Variants in IL33 observed in about 807,000 individuals in gnomAD.
IL33 encodes interleukin 33, also known as interleukin-33.
In IL33, 37 loss-of-function variants were observed where a neutral mutation model predicts 27.3. The ratio of observed to expected loss-of-function variants is 1.36; its 90% CI spans 1.04 to 1.78. The LOEUF is 1.78. Among genes scored for constraint, IL33 ranks in the 40% most tolerant of loss-of-function variants. The probability of loss-of-function intolerance (pLI) is 0.00; values close to 1 mark genes in which losing one functional copy is unlikely to be tolerated. For synonymous variants in IL33, 132 were observed against 102.9 expected (o/e 1.28, Z -1.71); for missense variants, 406 against 311.4 (o/e 1.30, Z -2.29).
intron 1 of IL33, among the ~76,000 whole-genome samples, chr9:6,238,839 T>C (rs1819374814): frequency 6.6e-6 from 1 of 152,174 alleles, no homozygotes; most frequent in Non-Finnish European, 1.5e-5. Flanking sequence ...CACAGCACAG[T>C]GTCATACCCT....
chr9:6,237,563 G>A (rs190982911), intron 1 of IL33, among the ~76,000 whole-genome samples: 230 of 152,108 alleles, frequency 1.5e-3, no homozygotes, highest in Non-Finnish European at 2.2e-3. Context: ...GTGATAAGAC[G>A]GGAGAAAAAG....
intron 1 of IL33, among the ~76,000 whole-genome samples, chr9:6,217,009 A>T (rs1163849859): frequency 1.3e-5 from 2 of 152,156 alleles, no homozygotes; most frequent in Non-Finnish European, 2.9e-5. Flanking sequence ...AAAAATTTGG[A>T]GGCTAGGGTT....
rs544503014 is a variant in IL33 at position 6,254,334 on chromosome 9, A to G, written c.521-128A>G. On this transcript the variant is annotated intron_variant, in intron 6 of 7. Transcript: ENST00000682010. ...GAACTTGGGTACAAATACTTCTAAG[A>G]TACCTGTTAGTGAATGAAGTAATTA... is the stretch of plus-strand genomic sequence containing the variant. 1.3e-4 allele frequency: 70 copies of G among 526,756 alleles called. 2 individuals carry two copies. The Middle Eastern group carries it at 3.5e-3, about 26-fold the overall frequency. The allele number at this position is 526,756 out of a possible 1,614,324, so 32.6% of individuals were successfully genotyped here. A position where few individuals can be genotyped will look rare whatever the true frequency, so the allele number is the denominator to read the frequency against.
At chr9:6,236,649 C>G (rs761100459) in intron 1 of IL33, among the ~76,000 whole-genome samples, 3 of 152,208 alleles carry the variant, frequency 2.0e-5, no homozygotes, top group Non-Finnish European at 4.4e-5. Context: ...AGGAGGATCA[C>G]TTGCGGTCAG....
chr9:6,253,864 A>G (rs778648723), intron 6 of IL33, among the ~76,000 whole-genome samples: 4 of 152,196 alleles, frequency 2.6e-5, no homozygotes, highest in Non-Finnish European at 5.9e-5. Flanking sequence ...TTTCTGTCTT[A>G]GCCAGGGCTG....
chr9:6,232,961 T>C (rs1818997314), intron 1 of IL33, among the ~76,000 whole-genome samples: 1 of 152,204 alleles, frequency 6.6e-6, no homozygotes, highest in African/African-American at 2.4e-5. Context: ...TCCACTCCCA[T>C]TTAAAAAATT....
chr9:6,226,185 TA>T (rs1228025257), intron 1 of IL33, among the ~76,000 whole-genome samples: 7 of 151,986 alleles, frequency 4.6e-5, no homozygotes, highest in East Asian at 3.9e-4. Flanking sequence ...TTTTTTTAAT[TA>T]TTTTTTTTTA....
intron 1 of IL33, among the ~76,000 whole-genome samples, chr9:6,219,004 G>T (rs1818301579): frequency 6.9e-6 from 1 of 145,106 alleles, no homozygotes; most frequent in African/African-American, 2.5e-5. Flanking sequence ...TTCTGGAGAT[G>T]TCAGTCAGAC....
chr9:6,225,146 A>C (rs1464149972), intron 1 of IL33, among the ~76,000 whole-genome samples: 1 of 152,222 alleles, frequency 6.6e-6, no homozygotes, highest in East Asian at 1.9e-4. Context: ...AGCTAGAAGG[A>C]AACAAATCAA....
At chr9:6,240,161 A>C (rs1217253774) in intron 1 of IL33, among the ~76,000 whole-genome samples, 3 of 152,238 alleles carry the variant, frequency 2.0e-5, no homozygotes, top group African/African-American at 7.2e-5. Context: ...TCTGAGCCAA[A>C]TATGAGTGAC....
intron 2 of IL33, among the ~76,000 whole-genome samples, chr9:6,244,181 G>C (rs1819693530): frequency 6.6e-6 from 1 of 152,146 alleles, no homozygotes; most frequent in Non-Finnish European, 1.5e-5. Context: ...CCTCCTTTAA[G>C]GGAACAGTGG....
intron 1 of IL33, among the ~76,000 whole-genome samples, chr9:6,226,709 T>G (rs1818649245): frequency 6.6e-6 from 1 of 152,258 alleles, no homozygotes. Context: ...TGTTCATATT[T>G]TCAATCTTTT....
chr9:6,217,267 T>C (rs979455380), intron 1 of IL33, among the ~76,000 whole-genome samples: 2 of 152,206 alleles, frequency 1.3e-5, no homozygotes, highest in Non-Finnish European at 2.9e-5. Flanking sequence ...GCAAATCTTG[T>C]GACCTCCAGA....
upstream of IL33, among the ~76,000 whole-genome samples, chr9:6,215,161 C>T (rs1196269965): frequency 1.3e-5 from 2 of 152,086 alleles, no homozygotes; most frequent in African/African-American, 2.4e-5. Flanking sequence ...AGATGCCAAA[C>T]GAGATGGAGA....
intron 2 of IL33, among the ~76,000 whole-genome samples, chr9:6,245,470 G>A (rs1048616224): frequency 2.0e-5 from 3 of 152,170 alleles, no homozygotes; most frequent in African/African-American, 7.2e-5. Flanking sequence ...CATTGAAAAT[G>A]TTGAACTGAG....
intron 1 of IL33, among the ~76,000 whole-genome samples, chr9:6,239,533 C>T (rs1587640208): frequency 6.6e-6 from 1 of 151,732 alleles, no homozygotes; most frequent in Admixed American, 6.6e-5. Flanking sequence ...AATAAAGTAC[C>T]CCCTCCCCAC....
intron 1 of IL33, among the ~76,000 whole-genome samples, chr9:6,230,732 C>A (rs1184140006): frequency 6.6e-6 from 1 of 152,130 alleles, no homozygotes. Context: ...TTCATTCATC[C>A]CACTATATCC....
At position 6,244,907 on chromosome 9, in the gene IL33, T is replaced by C. The variant is rs149268697; in HGVS notation, c.91+3122T>C. Among the ~76,000 whole-genome samples, 38 of 152,328 alleles carry C rather than the reference T, an allele frequency of 2.5e-4. No individual in the cohort carries two copies. In the East Asian group the frequency reaches 4.2e-3, roughly 17 times the overall value. ...GCTACAAAACTTAGTAGCCAACCAC[T>C]GCAGGTGTCCCCACAGTCAGTCCCA... On this transcript the variant is annotated intron_variant, in intron 2 of 7. Transcript: ENST00000682010.
intron 1 of IL33, among the ~76,000 whole-genome samples, chr9:6,231,325 C>T (rs941010989): frequency 6.6e-6 from 1 of 152,208 alleles, no homozygotes; most frequent in Non-Finnish European, 1.5e-5. Flanking sequence ...TCTACAGCCC[C>T]TTCACATTAT....
Sources: gnomAD v4.1 joint callset for allele counts (sites outside exome capture counted in the v4.1 genomes callset) on GRCh38, gnomAD v4.1.1 for gene constraint, MANE v1.5 for transcripts, NCBI Gene and HGNC (gene_info 2026-07-23, HGNC 2026-07-21) for gene names.